AGO3: variants seen among roughly 807,000 people sequenced by gnomAD.
AGO3 encodes argonaute RISC catalytic component 3.
Under a neutral mutation model 105.5 loss-of-function variants are expected in AGO3, and 16 were observed. The observed-to-expected ratio is 0.15, with a 90% CI of 0.10 to 0.23. The LOEUF (loss-of-function observed/expected upper bound fraction) is 0.23, where lower values mean the gene tolerates loss of function less well. Among genes scored for constraint, AGO3 ranks in the 10% least tolerant of loss-of-function variants. The probability of loss-of-function intolerance (pLI) is 1.00; values close to 1 mark genes in which losing one functional copy is unlikely to be tolerated. For missense variants in AGO3, 534 were observed against 1,088.0 expected (o/e 0.49, Z 7.16); for synonymous variants, 340 against 367.3 (o/e 0.93, Z 0.85).
At chr1:36,038,042 G>A (rs1642086770) in intron 14 of AGO3, among the ~76,000 whole-genome samples, 3 of 152,136 alleles carry the variant, frequency 2.0e-5, no homozygotes. Flanking sequence ...AGAACTTAGA[G>A]AGTAGTGTGA....
At chr1:35,991,130 C>T (rs570760200) in intron 5 of AGO3, among the ~76,000 whole-genome samples, 1 of 152,148 alleles carries the variant, frequency 6.6e-6, no homozygotes, top group African/African-American at 2.4e-5. Context: ...ACAGTGAAAC[C>T]CTGTCTCTAC....
intron 9 of AGO3, among the ~76,000 whole-genome samples, chr1:36,010,887 C>T (rs1263948099): frequency 1.0e-5 from 1 of 98,722 alleles, no homozygotes; most frequent in Non-Finnish European, 1.8e-5. Context: ...GCCTGGGCAA[C>T]AAGAGCGAAA....
rs535533249 is a variant in AGO3, at chr1:35,944,499, T to G, written c.20-1193T>G. On this transcript the variant is annotated intron_variant, in intron 1 of 18. Transcript: ENST00000373191. ...TTATTAGTTAAGCCCTTTTCCTCCT[T>G]TTTAAAAGAAATCAGTGTTGCCTAG... Among the ~76,000 whole-genome samples the G allele has an allele frequency of 2.0e-5, 3 of 152,132 alleles. No individual in the cohort carries two copies. In the South Asian group the frequency reaches 6.2e-4, roughly 32 times the overall value.
In AGO3 at chr1:36,062,751, G is replaced by A. The variant is rs1426144444; in HGVS notation, c.*7006G>A. On this transcript the variant is annotated 3_prime_UTR_variant, in exon 19 of 19. Transcript: ENST00000373191. The stretch of plus-strand genomic sequence containing the variant: ...ATTCTTCCAGAAAAGAAGACTAAAA[G>A]CAAACAACAACAACAACAAAAAATA... 1.3e-5 allele frequency: 2 copies of A among 151,798 alleles called. No individual in the cohort carries two copies. Among genetic ancestry groups the A allele is most frequent in the African/African-American group, 4.8e-5 (2 of 41,358 alleles). 9.4% of individuals were successfully genotyped at this position (151,798 alleles called of 1,614,324 possible).
intron 5 of AGO3, among the ~76,000 whole-genome samples, chr1:35,983,607 A>T (rs1465921608): frequency 6.6e-6 from 1 of 151,988 alleles, no homozygotes; most frequent in African/African-American, 2.4e-5. Flanking sequence ...AAATAAAAAG[A>T]AAAACAACCC....
chr1:36,008,841 A>G lies in AGO3; in HGVS notation c.882-56A>G, dbSNP rs1640452108. The G allele has an allele frequency of 1.2e-6, 2 of 1,613,944 alleles. No homozygotes were observed. Among genetic ancestry groups the G allele is most frequent in the East Asian group, 4.5e-5 (2 of 44,834 alleles). On this transcript the variant is annotated intron_variant, in intron 7 of 18. Coordinates refer to ENST00000373191, the MANE Select transcript of AGO3 (RefSeq NM_024852.4). This position sits in a 1 kb window ranked among gnomAD's most constrained non-coding sequence, Gnocchi z 5.1. ...GCTTGCTCTAGTTAGTGGGGTTGGG[A>G]GTTTTTCTGGCTCATAATGGGCAAG...
chr1:36,036,078 G>T, intron 13 of AGO3, 99 bp from the exon 14 acceptor site: 3 of 1,064,388 alleles, frequency 2.8e-6, no homozygotes, highest in Non-Finnish European at 4.2e-6. Flanking sequence ...GACTTCCTCT[G>T]TGCTGTCAAT....
At chr1:35,958,520 G>C (rs1646616187) in intron 2 of AGO3, among the ~76,000 whole-genome samples, 1 of 152,034 alleles carries the variant, frequency 6.6e-6, no homozygotes, top group Non-Finnish European at 1.5e-5. Context: ...AATTAGCTGG[G>C]CATGGTGGCA....
At chr1:35,942,698 A>G (rs529228545) in intron 1 of AGO3, among the ~76,000 whole-genome samples, 1 of 152,314 alleles carries the variant, frequency 6.6e-6, no homozygotes, top group African/African-American at 2.4e-5. Context: ...GCTGGACATC[A>G]CAGGTTTTCT....
intron 14 of AGO3, among the ~76,000 whole-genome samples, chr1:36,037,382 G>A (rs1290548381): frequency 8.6e-5 from 13 of 152,046 alleles, no homozygotes; most frequent in Non-Finnish European, 8.8e-5. Flanking sequence ...TTAGCCTGTC[G>A]TGGTGGTGGG....
At chr1:35,931,751 C>G (rs1210693843) in intron 1 of AGO3, among the ~76,000 whole-genome samples, 1 of 152,238 alleles carries the variant, frequency 6.6e-6, no homozygotes, top group Non-Finnish European at 1.5e-5. Context: ...TTGCCATTGT[C>G]TAGTTGGAGT....
rs1643085854 is a variant in AGO3, at chr1:36,065,930, C to T, written c.*10185C>T. ...CCAGCCTGGCCAACATGGCAAAACC[C>T]TGTCTCTTCTAAAAATACAAAAATT... On this transcript the variant is annotated 3_prime_UTR_variant, in exon 19 of 19. Coordinates refer to ENST00000373191, the MANE Select transcript of AGO3 (RefSeq NM_024852.4). 6.6e-6 allele frequency: 1 copy of T among 151,178 alleles called. No individual in the cohort carries two copies. Among genetic ancestry groups the T allele is most frequent in the African/African-American group, 2.4e-5 (1 of 41,048 alleles). 9.4% of individuals were successfully genotyped at this position (151,178 alleles called of 1,614,324 possible).
chr1:35,979,943 C>G (rs1647022027), intron 5 of AGO3, among the ~76,000 whole-genome samples: 1 of 152,046 alleles, frequency 6.6e-6, no homozygotes, highest in Non-Finnish European at 1.5e-5. Context: ...ATCTTTCTGT[C>G]AAGTCACAAC....
At chr1:36,011,080 C>T (rs1487965754) in intron 9 of AGO3, among the ~76,000 whole-genome samples, 2 of 152,126 alleles carry the variant, frequency 1.3e-5, no homozygotes, top group African/African-American at 2.4e-5. Context: ...CTTTATAAAA[C>T]TCATAGAGTA....
At chr1:36,052,782 C>T (rs1013236264) in intron 17 of AGO3, among the ~76,000 whole-genome samples, 1 of 152,066 alleles carries the variant, frequency 6.6e-6, no homozygotes, top group East Asian at 1.9e-4. Context: ...GAGGCCGAGG[C>T]GAGTGGATTG....
chr1:35,931,341 G>T lies in AGO3; in HGVS notation c.-86G>T. The T allele has an allele frequency of 7.7e-7, 1 of 1,292,758 alleles. No homozygotes were observed. The highest frequency in any genetic ancestry group is 1.0e-6 in the Non-Finnish European group (1 of 992,350). 80.1% of individuals were successfully genotyped at this position (1,292,758 alleles called of 1,614,324 possible). On this transcript the variant is annotated 5_prime_UTR_variant, in exon 1 of 19. Transcript: ENST00000373191. ...GGGGCCGAGTGAGAGTGCCCGTCGC[G>T]TCGCGCCGCGTCGCCCCCCGGGCCG...
chr1:35,965,382 T>TG (rs1646753351), intron 2 of AGO3, among the ~76,000 whole-genome samples: 1 of 149,810 alleles, frequency 6.7e-6, no homozygotes, highest in African/African-American at 2.5e-5. Context: ...CTCAGCTACT[T>TG]GGGAGGCTGA....
Position 36,066,727 on chromosome 1 carries a change from G to A in AGO3, c.*10982G>A, listed in dbSNP as rs1412220749. On this transcript the variant is annotated 3_prime_UTR_variant, in exon 19 of 19. Coordinates refer to ENST00000373191, the MANE Select transcript of AGO3 (RefSeq NM_024852.4). ...AAGAAGGAAAGACTGCAAAAATGTT[G>A]CATACGTGACTCTTTATTGTCAGAA... 1 of 152,074 alleles carries A rather than the reference G, an allele frequency of 6.6e-6. No individual in the cohort carries two copies. The highest frequency in any genetic ancestry group is 6.6e-5 in the Admixed American group (1 of 15,254). The allele number at this position is 152,074 out of a possible 1,614,324, so 9.4% of individuals were successfully genotyped here.
chr1:36,023,653 G>A (rs1018181393), intron 11 of AGO3, among the ~76,000 whole-genome samples: 1 of 152,206 alleles, frequency 6.6e-6, no homozygotes, highest in Non-Finnish European at 1.5e-5. Context: ...TACAAGAATA[G>A]GTTACAGCTT....
Sources: allele counts gnomAD v4.1 joint callset (sites outside exome capture counted in the v4.1 genomes callset), GRCh38; gene constraint gnomAD v4.1.1; non-coding constraint Gnocchi (gnomAD v3.1); transcripts MANE v1.5; gene names NCBI Gene and HGNC (gene_info 2026-07-23, HGNC 2026-07-21).